The following ANKS1B variants were observed in gnomAD, a reference collection of about 807,000 sequenced individuals.
ANKS1B encodes the protein ankyrin repeat and sterile alpha motif domain-containing protein 1B.
ANKS1B carries 36 observed loss-of-function variants against 148.3 expected under a neutral mutation model. The observed-to-expected ratio is 0.24, with a 90% CI of 0.19 to 0.32. The LOEUF is 0.32. Ranked by LOEUF, ANKS1B falls within the 10% of genes least tolerant of loss-of-function variation. ANKS1B has a pLI of 1.00. For missense variants in ANKS1B, 1,157 were observed against 1,542.6 expected, an observed-to-expected ratio of 0.75 and a Z score of 4.19; for synonymous variants, 542 against 560.8, an observed-to-expected ratio of 0.97 and a Z score of 0.47.
At chr12:99,664,436 T>G (rs1599145013) in intron 8 of ANKS1B, among the ~76,000 whole-genome samples, 1 of 152,132 alleles carries the variant, frequency 6.6e-6, no homozygotes, top group South Asian at 2.1e-4. Flanking sequence ...ACAAATGAAA[T>G]TTTATATAAA....
rs565213580 is a variant in ANKS1B, at chr12:99,307,366, G to C, written c.1757-60502C>G. 1.4e-4 allele frequency among the ~76,000 whole-genome samples: 22 copies of C among 152,122 alleles called. No individual in the cohort carries two copies. In the South Asian group the frequency reaches 4.6e-3, roughly 32 times the overall value. ...CAGTGTAGACCAAGGAAAATGGCTT[G>C]ACACTGGAATAGAGAAAGGGTGAAT... is the stretch of plus-strand genomic sequence containing the variant. On this transcript the variant is annotated intron_variant, in intron 12 of 26. Transcript: ENST00000683438.
At chr12:99,044,696 G>T (rs1266964595) in intron 17 of ANKS1B, among the ~76,000 whole-genome samples, 1 of 152,148 alleles carries the variant, frequency 6.6e-6, no homozygotes, top group Admixed American at 6.5e-5. Context: ...GTAACTCTGG[G>T]GGAGGGATCT....
chr12:99,615,665 G>T (rs1253845785), intron 9 of ANKS1B, among the ~76,000 whole-genome samples: 3 of 152,084 alleles, frequency 2.0e-5, no homozygotes, highest in Non-Finnish European at 4.4e-5. Context: ...AGCTATTTAT[G>T]ACAAACCCAT....
chr12:98,893,291 T>TTA (rs1419629575), intron 17 of ANKS1B, among the ~76,000 whole-genome samples: 1 of 152,168 alleles, frequency 6.6e-6, no homozygotes, highest in African/African-American at 2.4e-5. Flanking sequence ...GCACTACTCA[T>TTA]TATAGCCTAT....
At chr12:98,864,398 C>T (rs1486197521) in intron 17 of ANKS1B, among the ~76,000 whole-genome samples, 1 of 152,192 alleles carries the variant, frequency 6.6e-6, no homozygotes, top group Middle Eastern at 3.2e-3. Context: ...GTCTACTCAG[C>T]TAGATCACAG....
At chr12:99,770,193 G>A (rs529303865) in intron 8 of ANKS1B, among the ~76,000 whole-genome samples, 15 of 152,266 alleles carry the variant, frequency 9.9e-5, no homozygotes, top group African/African-American at 2.4e-4. Flanking sequence ...CTTAAATCAC[G>A]TAAAGCATTA....
At chr12:99,435,712 T>A (rs1323264097) in intron 11 of ANKS1B, among the ~76,000 whole-genome samples, 1 of 152,006 alleles carries the variant, frequency 6.6e-6, no homozygotes. Context: ...GAAGAAAGGT[T>A]GGAACTAAAT....
At chr12:99,562,113 T>C (rs2097342820) in intron 9 of ANKS1B, among the ~76,000 whole-genome samples, 1 of 152,224 alleles carries the variant, frequency 6.6e-6, no homozygotes, top group Admixed American at 6.5e-5. Context: ...GCATTGTCAA[T>C]GAGTAGTAAT....
intron 8 of ANKS1B, among the ~76,000 whole-genome samples, chr12:99,723,300 A>T (rs2058283981): frequency 1.3e-5 from 2 of 152,148 alleles, no homozygotes; most frequent in Admixed American, 6.5e-5. Flanking sequence ...GCTCCAGGCT[A>T]CACTTTTCCC....
At chr12:99,797,767 G>A (rs1403747887) in intron 4 of ANKS1B, among the ~76,000 whole-genome samples, 2 of 151,864 alleles carry the variant, frequency 1.3e-5, no homozygotes, top group Non-Finnish European at 2.9e-5. Context: ...GTTGATGAAA[G>A]CAAAAGAAAT....
At chr12:98,811,083 T>C (rs2099091716) in intron 19 of ANKS1B, among the ~76,000 whole-genome samples, 1 of 152,222 alleles carries the variant, frequency 6.6e-6, no homozygotes, top group Non-Finnish European at 1.5e-5. Context: ...GCACTGCTTT[T>C]CAGCTAACGT....
intron 12 of ANKS1B, among the ~76,000 whole-genome samples, chr12:99,325,476 G>A (rs1344674381): frequency 6.6e-6 from 1 of 151,842 alleles, no homozygotes; most frequent in Non-Finnish European, 1.5e-5. Context: ...ACCCACATCA[G>A]TTTGCAAGGA....
intron 1 of ANKS1B, among the ~76,000 whole-genome samples, chr12:99,870,406 T>C (rs2091357554): frequency 1.3e-5 from 2 of 152,218 alleles, no homozygotes; most frequent in South Asian, 4.1e-4. Flanking sequence ...AACATATGAT[T>C]GCATGTTCTT....
At chr12:98,821,664 A>G (rs889057962) in intron 19 of ANKS1B, among the ~76,000 whole-genome samples, 3 of 152,154 alleles carry the variant, frequency 2.0e-5, no homozygotes, top group African/African-American at 7.2e-5. Context: ...GCTGGAGTGC[A>G]GTGGTGCGAT....
At chr12:98,935,975 A>G (rs1244681070) in intron 17 of ANKS1B, among the ~76,000 whole-genome samples, 1 of 152,244 alleles carries the variant, frequency 6.6e-6, no homozygotes, top group East Asian at 1.9e-4. Context: ...TCCAGCAAGA[A>G]GCAAGAATTT....
Position 98,745,507 on chromosome 12 carries a change from A to T in ANKS1B, c.*232T>A. ...GAGGGGAGTCGGGAGCATCAGGGAA[A>T]ACCCATCTCAACTCACGCCTCTCAG... On this transcript the variant is annotated 3_prime_UTR_variant, in exon 27 of 27. Transcript: ENST00000683438. The T allele has an allele frequency of 8.1e-7, 1 of 1,233,636 alleles. No individual in the cohort carries two copies. Among genetic ancestry groups the T allele is most frequent in the Non-Finnish European group, 1.0e-6 (1 of 983,704 alleles). The allele number at this position is 1,233,636 out of a possible 1,614,324, so 76.4% of individuals were successfully genotyped here. A position where few individuals can be genotyped will look rare whatever the true frequency, so the allele number is the denominator to read the frequency against.
At chr12:99,104,125 G>A (rs2058623937) in intron 15 of ANKS1B, among the ~76,000 whole-genome samples, 1 of 152,142 alleles carries the variant, frequency 6.6e-6, no homozygotes, top group Non-Finnish European at 1.5e-5. Flanking sequence ...AGAGAAGGAT[G>A]AAGGATGAAT....
At chr12:99,228,925 T>A (rs1276795206) in intron 14 of ANKS1B, among the ~76,000 whole-genome samples, 1 of 151,972 alleles carries the variant, frequency 6.6e-6, no homozygotes, top group Admixed American at 6.6e-5. Flanking sequence ...TATATGTACA[T>A]ATACGTCCAT....
At chr12:98,971,559 T>G (rs1383182681) in intron 17 of ANKS1B, among the ~76,000 whole-genome samples, 1 of 152,216 alleles carries the variant, frequency 6.6e-6, no homozygotes, top group African/African-American at 2.4e-5. Context: ...TTCTTTGGAA[T>G]ACCCTTTGTC....
Sources: allele counts gnomAD v4.1 joint callset (sites outside exome capture counted in the v4.1 genomes callset), GRCh38; gene constraint gnomAD v4.1.1; transcripts MANE v1.5; gene names NCBI Gene and HGNC (gene_info 2026-07-23, HGNC 2026-07-21).